GPRASP1: variants seen among roughly 807,000 people sequenced by gnomAD.
GPRASP1 encodes G protein-coupled receptor-associated sorting protein 1.
In GPRASP1, 28 loss-of-function variants were observed where a neutral mutation model predicts 68.4. The observed-to-expected ratio is 0.41, with a 90% confidence interval of 0.30 to 0.56. GPRASP1 has a LOEUF of 0.56. GPRASP1 is among the 20% of genes least tolerant of loss of function. The pLI is 0.29. For missense variants in GPRASP1, 913 were observed against 1,031.5 expected, an observed-to-expected ratio of 0.89 and a Z score of 1.57; for synonymous variants, 304 against 358.2, an observed-to-expected ratio of 0.85 and a Z score of 1.71.
In GPRASP1 at chrX:102,656,407, T is replaced by A; in HGVS notation, c.2494T>A (p.Ser832Thr). The change falls in exon 6 of 6, where the codon TCC becomes ACC. Residue 832 changes from serine to threonine, a missense_variant. Transcript: ENST00000537097. ...IRREAGSCSK[S>T]SPKAEEEEVI... ...AAGAGAGGCTGGGTCTTGCAGCAAA[T>A]CCAGTCCTAAAGCTGAAGAGGAAGA... 8.3e-7 allele frequency: 1 copy of A among 1,207,928 alleles called. No individual in the cohort carries two copies. Among genetic ancestry groups the A allele is most frequent in the South Asian group, 1.8e-5 (1 of 56,627 alleles).
In GPRASP1 at chrX:102,658,110, A is replaced by G. The variant is rs372219469; in HGVS notation, c.*9A>G. 2.2e-4 allele frequency: 194 copies of G among 862,692 alleles called. No homozygotes were observed. Among genetic ancestry groups the G allele is most frequent in the Non-Finnish European group, 3.1e-4 (183 of 598,789 alleles). 71.1% of individuals were successfully genotyped at this position (862,692 alleles called of 1,213,427 possible). On this transcript the variant is annotated 3_prime_UTR_variant, in exon 6 of 6. Coordinates refer to ENST00000537097, the MANE Select transcript of GPRASP1 (RefSeq NM_001184727.2). ...GGGACCAAGAAAATTAGTAATGGTT[A>G]ATTGCTGGCCTCAGATTGTCCTTAT...
At chrX:102,652,003 T>TG (rs1414170683) in intron 2 of GPRASP1, among the ~76,000 whole-genome samples, 172 bp from the exon 3 acceptor site, 1 of 111,147 alleles carries the variant, frequency 9.0e-6, no homozygotes, top group African/African-American at 3.3e-5. Context: ...GGGGGGCGCC[T>TG]GGGGGGGCCC....
Position 102,656,910 on chromosome X carries a change from G to A in GPRASP1, c.2997G>A (p.Glu999=). ...CCAGGACATTAGCTGATGAAGATGA[G>A]GCCATAGTGGGGTCCTGGTTCTGGG... ...CGSRTLADED[E]AIVGSWFWAG... The change falls in exon 6 of 6, where the codon GAG becomes GAA. Residue 999 remains glutamate (E), a synonymous_variant. Coordinates refer to ENST00000537097, the MANE Select transcript of GPRASP1 (RefSeq NM_001184727.2). The A allele has an allele frequency of 8.3e-7, 1 of 1,206,767 alleles. No individual in the cohort carries two copies. Among genetic ancestry groups the A allele is most frequent in the Non-Finnish European group, 1.1e-6 (1 of 892,734 alleles).
chrX:102,657,545 G>A lies in GPRASP1; in HGVS notation c.3632G>A (p.Arg1211Gln), dbSNP rs775750847. ...IETLLNYPSS[R>Q]VRTSFLENMI... ...ACCTTGCTTAATTATCCGTCCTCCC[G>A]AGTTAGAACAAGTTTTTTGGAAAAT... Residue 1211 changes from arginine (R) to glutamine (Q), a missense_variant, in exon 6 of 6, where the codon CGA becomes CAA. Coordinates refer to ENST00000537097, the MANE Select transcript of GPRASP1 (RefSeq NM_001184727.2). 2.5e-6 allele frequency: 3 copies of A among 1,211,738 alleles called. No homozygotes were observed. Among genetic ancestry groups the A allele is most frequent in the Admixed American group, 4.3e-5 (2 of 46,051 alleles).
rs1309331376 is a variant in GPRASP1, at chrX:102,651,728, A to G, written c.-577A>G. On this transcript the variant is annotated 5_prime_UTR_variant, in exon 2 of 6. Transcript: ENST00000537097. ...CGATCCGTTCGGAGCCGGGCGCTAG[A>G]GAGAGGTGCGCAGTGCCCGAGATCC... 6.3e-5 allele frequency: 7 copies of G among 111,866 alleles called. No individual in the cohort carries two copies. Among genetic ancestry groups the G allele is most frequent in the African/African-American group, 2.3e-4 (7 of 30,781 alleles). 9.2% of individuals were successfully genotyped at this position (111,866 alleles called of 1,213,427 possible).
At position 102,655,734 on chromosome X, in the gene GPRASP1, G is replaced by A; in HGVS notation, c.1821G>A (p.Glu607=). The change falls in exon 6 of 6, where the codon GAG becomes GAA. Residue 607 remains glutamate, a synonymous_variant. Transcript: ENST00000537097. ...GCTGTGACACCATGCAAGGGGCTGA[G>A]GAGGAGGAGCCCATTATTGGGTCCT... is the stretch of plus-strand genomic sequence containing the variant. ...ETSCDTMQGA[E]EEEPIIGSWF... The A allele has an allele frequency of 1.7e-6, 2 of 1,211,194 alleles. No individual in the cohort carries two copies. Among genetic ancestry groups the A allele is most frequent in the Non-Finnish European group, 2.2e-6 (2 of 894,910 alleles).
Position 102,655,070 on chromosome X carries a change from A to G in GPRASP1, c.1157A>G (p.Lys386Arg). ...RARAMTKEEA[K>R]TKARARAKQE... ...AGAGCAATGACAAAGGAAGAGGCCA[A>G]AACCAAGGCCCGAGCCAGGGCCAAG... is the stretch of plus-strand genomic sequence containing the variant. Residue 386 changes from lysine (K) to arginine (R), a missense_variant, in exon 6 of 6, where the codon AAA becomes AGA. Lys to Arg is a conservative substitution (Grantham distance 26). Coordinates refer to ENST00000537097, the MANE Select transcript of GPRASP1 (RefSeq NM_001184727.2). The G allele has an allele frequency of 2.5e-6, 3 of 1,212,180 alleles. No individual in the cohort carries two copies. The highest frequency in any genetic ancestry group is 3.4e-6 in the Non-Finnish European group (3 of 895,504).
chrX:102,656,021 T>C lies in GPRASP1; in HGVS notation c.2108T>C (p.Ile703Thr). ...TCTAGGCCAGAGGAGGAAGAGGACA[T>C]TGTCAATTCGTGGTTCTGGTCCAGA... ...WKSRPEEEED[I>T]VNSWFWSRKY... The change falls in exon 6 of 6, where the codon ATT becomes ACT. Residue 703 changes from isoleucine (I) to threonine (T), a missense_variant. Physicochemically the swap from Ile to Thr is moderately conservative, Grantham distance 89. Coordinates refer to ENST00000537097, the MANE Select transcript of GPRASP1 (RefSeq NM_001184727.2). 8.3e-7 allele frequency: 1 copy of C among 1,211,183 alleles called. No individual in the cohort carries two copies. The highest frequency in any genetic ancestry group is 1.1e-6 in the Non-Finnish European group (1 of 895,269).
chrX:102,655,013 C>T lies in GPRASP1; in HGVS notation c.1100C>T (p.Ser367Leu), dbSNP rs2081394737. The stretch of plus-strand genomic sequence containing the variant: ...CCTGAAGAAAATGCTAATACCTTTT[C>T]AAGGCCCATGATCAAGAAAGAGGCC... ...FWPEENANTF[S>L]RPMIKKEARA... is the part of the protein sequence containing the mutation. The change falls in exon 6 of 6, where the codon TCA (serine) becomes TTA (leucine). Residue 367 changes from serine (S) to leucine (L), a missense_variant. Physicochemically the swap from Ser to Leu is moderately radical, Grantham distance 145 (BLOSUM62 -2). Coordinates refer to ENST00000537097, the MANE Select transcript of GPRASP1 (RefSeq NM_001184727.2). 7.4e-6 allele frequency: 9 copies of T among 1,210,456 alleles called. No homozygotes were observed. Among genetic ancestry groups the T allele is most frequent in the Non-Finnish European group, 1.0e-5 (9 of 895,067 alleles).
chrX:102,658,586 A>C lies in GPRASP1; in HGVS notation c.*485A>C, dbSNP rs768662217. 2 of 121,817 alleles carry C rather than the reference A, an allele frequency of 1.6e-5. No homozygotes were observed. Among genetic ancestry groups the C allele is most frequent in the East Asian group, 5.7e-4 (2 of 3,532 alleles). The allele number at this position is 121,817 out of a possible 1,213,427, so 10.0% of individuals were successfully genotyped here. ...CTCAGCTTTAAACGCAAAAATTACCAGGGGCTGCTATGTAGGGCATACTTC... is the reference window on the plus strand; with the variant it reads ...CTCAGCTTTAAACGCAAAAATTACCCGGGGCTGCTATGTAGGGCATACTTC... On this transcript the variant is annotated 3_prime_UTR_variant, in exon 6 of 6. Coordinates refer to ENST00000537097, the MANE Select transcript of GPRASP1 (RefSeq NM_001184727.2).
Position 102,655,793 on chromosome X carries a change from G to T in GPRASP1, c.1880G>T (p.Gly627Val). 8.3e-7 allele frequency: 1 copy of T among 1,211,045 alleles called. No individual in the cohort carries two copies. Among genetic ancestry groups the T allele is most frequent in the Non-Finnish European group, 1.1e-6 (1 of 895,153 alleles). ...ACCAGAGTAGAAGCTTGTGTGGAGGGTGATGTCAACAGCAAGTCTAGCCTG... is the reference window on the plus strand; with the variant it reads ...ACCAGAGTAGAAGCTTGTGTGGAGGTTGATGTCAACAGCAAGTCTAGCCTG... Reference protein sequence around the residue: ...FWTRVEACVEGDVNSKSSLED... With the variant: ...FWTRVEACVEVDVNSKSSLED... Residue 627 changes from glycine to valine, a missense_variant, in exon 6 of 6, where the codon GGT becomes GTT. Gly to Val is a moderately radical substitution (Grantham distance 109). Coordinates refer to ENST00000537097, the MANE Select transcript of GPRASP1 (RefSeq NM_001184727.2).
Position 102,657,281 on chromosome X carries a change from A to G in GPRASP1, c.3368A>G (p.Gln1123Arg), listed in dbSNP as rs768305853. The change falls in exon 6 of 6, where the codon CAG (glutamine) becomes CGG (arginine). Residue 1123 changes from glutamine (Q) to arginine (R), a missense_variant. By Grantham distance (43) the Gln-to-Arg change is conservative (BLOSUM62 1). Coordinates refer to ENST00000537097, the MANE Select transcript of GPRASP1 (RefSeq NM_001184727.2). ...TATGATCCTTCCTACAGGTCAGTCCAGGAAATTCGAGAGCATCTTAGGGCC... is the reference window on the plus strand; with the variant it reads ...TATGATCCTTCCTACAGGTCAGTCCGGGAAATTCGAGAGCATCTTAGGGCC... ...FQYDPSYRSVQEIREHLRAKE... is the reference protein window; with the variant it reads ...FQYDPSYRSVREIREHLRAKE... 79 of 1,208,595 alleles carry G rather than the reference A, an allele frequency of 6.5e-5. No homozygotes were observed. The highest frequency in any genetic ancestry group is 7.0e-5 in the Non-Finnish European group (63 of 894,027).
rs1394693013 is a variant in GPRASP1 at position 102,657,181 on chromosome X, G to A, written c.3268G>A (p.Val1090Ile). The change falls in exon 6 of 6, where the codon GTA becomes ATA. Residue 1090 changes from valine (V) to isoleucine (I), a missense_variant. Val to Ile is a conservative substitution (Grantham distance 29). Transcript: ENST00000537097. Reference sequence around the variant, plus strand: ...GTTTGGGGGCAAACCCAGGAACATGGTACTTAGCCCAGAAGGGGAAGATCA... The same window carrying A: ...GTTTGGGGGCAAACCCAGGAACATGATACTTAGCCCAGAAGGGGAAGATCA... The part of the protein sequence containing the change: ...EMFGGKPRNM[V>I]LSPEGEDQES... 2.5e-6 allele frequency: 3 copies of A among 1,208,953 alleles called. No homozygotes were observed. Among genetic ancestry groups the A allele is most frequent in the Non-Finnish European group, 2.2e-6 (2 of 894,349 alleles).
Position 102,655,940 on chromosome X carries a change from G to A in GPRASP1, c.2027G>A (p.Cys676Tyr). Residue 676 changes from cysteine (C) to tyrosine (Y), a missense_variant, in exon 6 of 6, where the codon TGC becomes TAC. Coordinates refer to ENST00000537097, the MANE Select transcript of GPRASP1 (RefSeq NM_001184727.2). The stretch of plus-strand genomic sequence containing the variant: ...GCTGAGGAGACCAATAATAAGTCTT[G>A]CTTCTGGGCAGAAAAAGAACCCTGT... ...AGAEETNNKS[C>Y]FWAEKEPCMY... is the part of the protein sequence containing the mutation. The A allele has an allele frequency of 8.3e-7, 1 of 1,211,561 alleles. No homozygotes were observed. Among genetic ancestry groups the A allele is most frequent in the Non-Finnish European group, 1.1e-6 (1 of 895,254 alleles).
chrX:102,657,665 C>T lies in GPRASP1; in HGVS notation c.3752C>T (p.Ser1251Phe). Reference protein sequence around the residue: ...CEETLAYSVDSPEQLSGIRMI... With the variant: ...CEETLAYSVDFPEQLSGIRMI... ...GAAACCCTTGCTTATAGCGTGGATT[C>T]CCCGGAACAGCTGTCTGGAATAAGG... is the stretch of plus-strand genomic sequence containing the variant. Residue 1251 changes from serine (S) to phenylalanine (F), a missense_variant, in exon 6 of 6, where the codon TCC becomes TTC. Ser to Phe is a radical substitution (Grantham distance 155). Coordinates refer to ENST00000537097, the MANE Select transcript of GPRASP1 (RefSeq NM_001184727.2). The T allele has an allele frequency of 8.3e-7, 1 of 1,210,971 alleles. No individual in the cohort carries two copies. The highest frequency in any genetic ancestry group is 1.7e-5 in the African/African-American group (1 of 57,778).
chrX:102,654,752 A>AT lies in GPRASP1; in HGVS notation c.840dup (p.Ser281Ter). ...TGGTCTGGGCCCAGGGAAGATCCCA[A>AT]TAGCAGGTCCAGGTTTAGGTCTAAG... On this transcript the variant is annotated frameshift_variant, in exon 6 of 6. Transcript: ENST00000537097. LOFTEE classifies it high-confidence loss of function. The AT allele has an allele frequency of 8.3e-7, 1 of 1,209,389 alleles. No individual in the cohort carries two copies. The highest frequency in any genetic ancestry group is 1.1e-6 in the Non-Finnish European group (1 of 893,440).
rs1443377270 is a variant in GPRASP1, at chrX:102,657,990, T to C, written c.4077T>C (p.Asp1359=). 8.4e-7 allele frequency: 1 copy of C among 1,194,338 alleles called. No individual in the cohort carries two copies. The highest frequency in any genetic ancestry group is 1.1e-6 in the Non-Finnish European group (1 of 879,815). ...AAGAAACAGTGTTCTCTGATGATGA[T>C]TTCAATATTGAGCCGCTTATTTCTG... ...IKKETVFSDD[D]FNIEPLISAF... The change falls in exon 6 of 6, where the codon GAT becomes GAC. Residue 1359 remains aspartate, a synonymous_variant. Transcript: ENST00000537097.
rs1485567485 is a variant in GPRASP1 at position 102,656,689 on chromosome X, GTA to G, written c.2778_2779del (p.Ser927GlnfsTer5). Reference protein sequence around the residue: ...EVSEEAGPCCVSKPEDDEEMI... With the variant: ...EVSEEAGPCCXSKPEDDEEMI... ...CAGTGAAGAAGCAGGACCATGCTGT[GTA>G]TCCAAGCCAGAGGATGATGAAGAGA... On this transcript the variant is annotated frameshift_variant, in exon 6 of 6. Transcript: ENST00000537097. LOFTEE classifies it high-confidence loss of function. 1 of 1,208,775 alleles carries G rather than the reference GTA, an allele frequency of 8.3e-7. No individual in the cohort carries two copies. Among genetic ancestry groups the G allele is most frequent in the Non-Finnish European group, 1.1e-6 (1 of 894,433 alleles).
chrX:102,656,581 G>A lies in GPRASP1; in HGVS notation c.2668G>A (p.Gly890Arg). The change falls in exon 6 of 6, where the codon GGA (glycine) becomes AGA (arginine). Residue 890 changes from glycine to arginine, a missense_variant. Physicochemically the swap from Gly to Arg is moderately radical, Grantham distance 125. Transcript: ENST00000537097. ...TGAAGAAGAAGCCAGTATACAGGCTGGATCTCAGGCAGTAGAGGAAATGGA... is the reference window on the plus strand; with the variant it reads ...TGAAGAAGAAGCCAGTATACAGGCTAGATCTCAGGCAGTAGAGGAAATGGA... ...WPEEEASIQAGSQAVEEMESE... is the reference protein window; with the variant it reads ...WPEEEASIQARSQAVEEMESE... 1 of 1,210,429 alleles carries A rather than the reference G, an allele frequency of 8.3e-7. No individual in the cohort carries two copies. Among genetic ancestry groups the A allele is most frequent in the Non-Finnish European group, 1.1e-6 (1 of 894,721 alleles).
Sources: gnomAD v4.1 joint callset for allele counts (sites outside exome capture counted in the v4.1 genomes callset) on GRCh38, gnomAD v4.1.1 for gene constraint, MANE v1.5 for transcripts, NCBI Gene and HGNC (gene_info 2026-07-23, HGNC 2026-07-21) for gene names.